Variants in KRT9 observed in about 807,000 individuals in gnomAD.
KRT9 encodes keratin 9.
A neutral mutation model predicts 51.4 loss-of-function variants in KRT9; 34 were observed. The ratio of observed to expected loss-of-function variants is 0.66; its 90% CI spans 0.50 to 0.88. The LOEUF is 0.88. Ranked by LOEUF, KRT9 falls within the 40% of genes least tolerant of loss-of-function variation. The pLI is 0.00. For missense variants in KRT9, 753 were observed against 790.3 expected, an observed-to-expected ratio of 0.95 and a Z score of 0.57; for synonymous variants, 292 against 289.7, an observed-to-expected ratio of 1.01 and a Z score of -0.08.
chr17:41,571,731 C>T lies in KRT9; in HGVS notation c.262G>A (p.Gly88Ser), dbSNP rs757413698. 3.1e-6 allele frequency: 5 copies of T among 1,613,026 alleles called. No individual in the cohort carries two copies. Among genetic ancestry groups the T allele is most frequent in the South Asian group, 2.2e-5 (2 of 90,902 alleles). Residue 88 changes from glycine (G) to serine (S), a missense_variant, in exon 1 of 8, where the codon GGT becomes AGT. Gly to Ser is a moderately conservative substitution (Grantham distance 56). Around this residue, in one of 3 missense-constraint regions of KRT9, gnomAD observed 241 missense variants for 210.3 expected, o/e 1.15. Transcript: ENST00000246662. Reference protein sequence around the residue: ...GGGFSASSLGGGFGGGSRGFG... With the variant: ...GGGFSASSLGSGFGGGSRGFG... ...CCTCTGGAACCACCCCCAAAGCCAC[C>T]GCCTAAACTACTGGCACTAAAACCA...
At position 41,568,566 on chromosome 17, in the gene KRT9, G is replaced by A. The variant is rs748136053; in HGVS notation, c.1112C>T (p.Thr371Ile). The change falls in exon 5 of 8, where the codon ACC becomes ATC. Residue 371 changes from threonine (T) to isoleucine (I), a missense_variant. This residue lies in a region of KRT9 where 507 missense variants were observed against 563.7 expected (regional missense o/e 0.90). Transcript: ENST00000246662. ...CTCCTGGACACCGTGCCGGAGCTGG[G>A]TCACCTCCTTGGCACTGGACTGCAC... ...QEVQSSAKEV[T>I]QLRHGVQELE... The A allele has an allele frequency of 5.6e-6, 9 of 1,614,134 alleles. No individual in the cohort carries two copies. The highest frequency in any genetic ancestry group is 1.7e-5 in the Admixed American group (1 of 60,022).
Position 41,567,526 on chromosome 17 carries a change from C to T in KRT9, c.1619G>A (p.Gly540Asp). ...SGGGYGGGSG[G>D]GHSGGSGGGH... is the part of the protein sequence containing the mutation. The stretch of plus-strand genomic sequence containing the variant: ...ACCTCCACTTCCTCCGCTATGGCCA[C>T]CTCCACTTCCTCCACCATAGCCACC... The change falls in exon 7 of 8, where the codon GGT becomes GAT. Residue 540 changes from glycine (G) to aspartate (D), a missense_variant. Around this residue, in one of 3 missense-constraint regions of KRT9, gnomAD observed 507 missense variants for 563.7 expected, o/e 0.90. Transcript: ENST00000246662. 1 of 1,550,420 alleles carries T rather than the reference C, an allele frequency of 6.4e-7. No homozygotes were observed. Among genetic ancestry groups the T allele is most frequent in the Non-Finnish European group, 8.7e-7 (1 of 1,146,862 alleles).
intron 5 of KRT9, 37 bp from the exon 6 acceptor site, chr17:41,568,422 A>G (rs775712896): frequency 2.5e-6 from 4 of 1,613,752 alleles, no homozygotes; most frequent in Non-Finnish European, 3.4e-6. Flanking sequence ...GGGATGCTAC[A>G]TCATAACTCC....
chr17:41,568,665 C>T, intron 4 of KRT9, 32 bp from the exon 5 acceptor site: 1 of 1,614,070 alleles, frequency 6.2e-7, no homozygotes. Flanking sequence ...AAGCATCAGG[C>T]TGTGCCAGGA....
intron 1 of KRT9, among the ~76,000 whole-genome samples, chr17:41,571,093 G>A (rs373876887): frequency 5.4e-4 from 82 of 152,034 alleles, no homozygotes; most frequent in African/African-American, 1.9e-3. Context: ...CTCAGCTCAC[G>A]TTAACCCAGG....
rs750935382 is a variant in KRT9 at position 41,568,290 on chromosome 17, C to T, written c.1266G>A (p.Gln422=). 2 of 1,614,196 alleles carry T rather than the reference C, an allele frequency of 1.2e-6. No individual in the cohort carries two copies. The highest frequency in any genetic ancestry group is 2.2e-5 in the South Asian group (2 of 91,086). ...CGATCTCTTGCCGGACGTCAGTGAT[C>T]TGGGCCTCCAAGTTACTGATCTGCT... The part of the protein sequence containing the change: ...IQEQISNLEA[Q]ITDVRQEIEC... Residue 422 remains glutamine (Q), a synonymous_variant, in exon 6 of 8, where the codon CAG becomes CAA. Transcript: ENST00000246662.
intron 2 of KRT9, 48 bp from the exon 3 acceptor site, chr17:41,570,063 T>C (rs758965678): frequency 6.2e-7 from 1 of 1,613,514 alleles, no homozygotes; most frequent in Admixed American, 1.7e-5. Flanking sequence ...AACCAGGCCC[T>C]ACCAGGACCT....
chr17:41,569,391 GGGA>G, intron 4 of KRT9, 32 bp downstream of exon 4: 1 of 1,603,206 alleles, frequency 6.2e-7, no homozygotes, highest in Non-Finnish European at 8.5e-7. Context: ...ATAGATGGAG[GGGA>G]GGAGGATGAA....
In KRT9 at chr17:41,568,576, T is replaced by C. The variant is rs1164122106; in HGVS notation, c.1102A>G (p.Lys368Glu). ...CCGTGCCGGAGCTGGGTCACCTCCT[T>C]GGCACTGGACTGCACCTCCTGACCA... is the stretch of plus-strand genomic sequence containing the variant. Reference protein sequence around the residue: ...SSGQEVQSSAKEVTQLRHGVQ... With the variant: ...SSGQEVQSSAEEVTQLRHGVQ... Residue 368 changes from lysine (K) to glutamate (E), a missense_variant, in exon 5 of 8, where the codon AAG becomes GAG. By Grantham distance (56) the Lys-to-Glu change is moderately conservative (BLOSUM62 1). Transcript: ENST00000246662. 6.2e-7 allele frequency: 1 copy of C among 1,614,106 alleles called. No individual in the cohort carries two copies. The highest frequency in any genetic ancestry group is 8.5e-7 in the Non-Finnish European group (1 of 1,179,994).
At position 41,568,525 on chromosome 17, in the gene KRT9, G is replaced by A; in HGVS notation, c.1153C>T (p.Gln385Ter). The change falls in exon 5 of 8, where the codon CAG (glutamine) becomes TAG (stop). Residue 385 changes from glutamine to a stop codon, truncating the protein, a stop_gained. Transcript: ENST00000246662. LOFTEE classifies it high-confidence loss of function. The part of the protein sequence containing the change: ...HGVQELEIEL[Q>*]SQLSKKAALE... ...CTACCAACCTTGCTGAGCTGAGACT[G>A]CAGCTCAATCTCCAACTCCTGGACA... 6.2e-7 allele frequency: 1 copy of A among 1,614,168 alleles called. No individual in the cohort carries two copies. The highest frequency in any genetic ancestry group is 8.5e-7 in the Non-Finnish European group (1 of 1,180,026).
At chr17:41,569,610 G>C in intron 3 of KRT9, 23 bp from the exon 4 acceptor site, 3 of 1,612,882 alleles carry the variant, frequency 1.9e-6, no homozygotes, top group Non-Finnish European at 2.5e-6. Flanking sequence ...AAGGGGAGAT[G>C]AGGTCACGGA....
intron 7 of KRT9, among the ~76,000 whole-genome samples, chr17:41,566,779 C>T (rs1597792269): frequency 6.6e-6 from 1 of 152,220 alleles, no homozygotes; most frequent in South Asian, 2.1e-4. Context: ...ACTAAAATCC[C>T]TGAGTCTCTT....
At chr17:41,569,016 C>T (rs919211313) in intron 4 of KRT9, among the ~76,000 whole-genome samples, 4 of 151,884 alleles carry the variant, frequency 2.6e-5, no homozygotes, top group African/African-American at 4.8e-5. Context: ...GACTCAAGGA[C>T]GAAGGGAACC....
At position 41,567,551 on chromosome 17, in the gene KRT9, C is replaced by T. The variant is rs372549420; in HGVS notation, c.1594G>A (p.Gly532Ser). Residue 532 changes from glycine to serine, a missense_variant, in exon 7 of 8, where the codon GGT (glycine) becomes AGT (serine). Gly to Ser is a moderately conservative substitution (Grantham distance 56, BLOSUM62 0). Around this residue, in one of 3 missense-constraint regions of KRT9, gnomAD observed 507 missense variants for 563.7 expected, o/e 0.90. Transcript: ENST00000246662. The part of the protein sequence containing the change: ...GGSGSGGGSG[G>S]GYGGGSGGGH... ...CCTCCACTTCCTCCACCATAGCCAC[C>T]TCCACTACCTCCTCCAGAACCACTT... 4.1e-5 allele frequency: 64 copies of T among 1,551,924 alleles called. 1 individual carries two copies. The East Asian group carries it at 1.3e-3, about 31-fold the overall frequency.
rs1907093211 is a variant in KRT9, at chr17:41,571,741, A to T, written c.252T>A (p.Ser84Arg). 1 of 1,612,774 alleles carries T rather than the reference A, an allele frequency of 6.2e-7. No individual in the cohort carries two copies. Among genetic ancestry groups the T allele is most frequent in the African/African-American group, 1.3e-5 (1 of 74,546 alleles). ...CACCCCCAAAGCCACCGCCTAAACT[A>T]CTGGCACTAAAACCACCCCCAGATC... ...GGGSGGGFSA[S>R]SLGGGFGGGS... The change falls in exon 1 of 8, where the codon AGT becomes AGA. Residue 84 changes from serine to arginine, a missense_variant. Transcript: ENST00000246662.
Position 41,569,507 on chromosome 17 carries a change from C to T in KRT9, c.963G>A (p.Lys321=). Residue 321 remains lysine (K), a synonymous_variant, in exon 4 of 8, where the codon AAG becomes AAA. Coordinates refer to ENST00000246662, the MANE Select transcript of KRT9 (RefSeq NM_000226.4). The part of the protein sequence containing the change: ...INVAPGKDLT[K]TLNDMRQEYE... Reference sequence around the variant, plus strand: ...ACTCCTGACGCATGTCATTGAGGGTCTTGGTGAGATCTTTGCCAGGAGCAA... The same window carrying T: ...ACTCCTGACGCATGTCATTGAGGGTTTTGGTGAGATCTTTGCCAGGAGCAA... 6.2e-7 allele frequency: 1 copy of T among 1,614,146 alleles called. No individual in the cohort carries two copies. The highest frequency in any genetic ancestry group is 8.5e-7 in the Non-Finnish European group (1 of 1,180,002).
intron 6 of KRT9, 87 bp from the exon 7 acceptor site, chr17:41,567,837 A>T: frequency 1.3e-6 from 2 of 1,589,856 alleles, no homozygotes; most frequent in Non-Finnish European, 1.7e-6. Context: ...CAGGACCCAA[A>T]CATGAATCTT....
At position 41,571,647 on chromosome 17, in the gene KRT9, C is replaced by G; in HGVS notation, c.346G>C (p.Gly116Arg). 1 of 1,604,974 alleles carries G rather than the reference C, an allele frequency of 6.2e-7. No individual in the cohort carries two copies. The highest frequency in any genetic ancestry group is 1.1e-5 in the South Asian group (1 of 90,108). ...CCAAAGCCACCTCCAGAACCACCAC[C>G]AAAGCCACCTCCAAAACCCCCAGAA... ...SSSGGFGGGFGGGSGGGFGGG... is the reference protein window; with the variant it reads ...SSSGGFGGGFRGGSGGGFGGG... The change falls in exon 1 of 8, where the codon GGT becomes CGT. Residue 116 changes from glycine (G) to arginine (R), a missense_variant. Gly to Arg is a moderately radical substitution (Grantham distance 125). Transcript: ENST00000246662.
rs775942442 is a variant in KRT9, at chr17:41,567,400, C to G, written c.1745G>C (p.Ser582Thr). 6.3e-7 allele frequency: 1 copy of G among 1,588,692 alleles called. No homozygotes were observed. Residue 582 changes from serine to threonine, a missense_variant, in exon 7 of 8, where the codon AGT becomes ACT. Coordinates refer to ENST00000246662, the MANE Select transcript of KRT9 (RefSeq NM_000226.4). Reference sequence around the variant, plus strand: ...ACTTCCTCCACCATGGCTGCCTCCACTTCCTCCCCTGGACCCACTTCCTCC... The same window carrying G: ...ACTTCCTCCACCATGGCTGCCTCCAGTTCCTCCCCTGGACCCACTTCCTCC... Reference protein sequence around the residue: ...YGGGSGSRGGSGGSHGGGSGF... With the variant: ...YGGGSGSRGGTGGSHGGGSGF...
Sources: allele counts gnomAD v4.1 joint callset (sites outside exome capture counted in the v4.1 genomes callset), GRCh38; gene constraint gnomAD v4.1.1; regional missense constraint gnomAD v4.1.1; transcripts MANE v1.5; gene names NCBI Gene and HGNC (gene_info 2026-07-23, HGNC 2026-07-21).